FUT9: variants seen among roughly 807,000 people sequenced by gnomAD.
FUT9 encodes fucosyltransferase 9, also known as 4-galactosyl-N-acetylglucosaminide 3-alpha-L-fucosyltransferase 9.
A neutral mutation model predicts 29.7 loss-of-function variants in FUT9; 15 were observed. The observed-to-expected ratio is 0.51, with a 90% confidence interval of 0.34 to 0.78. The LOEUF is 0.78. Ranked by LOEUF, FUT9 falls within the 30% of genes least tolerant of loss-of-function variation. FUT9 has a pLI of 0.01. For synonymous variants in FUT9, 169 were observed against 153.7 expected (o/e 1.10, Z -0.74); for missense variants, 319 against 425.4 (o/e 0.75, Z 2.20).
intron 2 of FUT9, among the ~76,000 whole-genome samples, chr6:96,117,013 G>A (rs536894543): frequency 6.6e-6 from 1 of 152,166 alleles, no homozygotes; most frequent in African/African-American, 2.4e-5. Context: ...ACAGTGACAA[G>A]TGAACCTAAC....
intron 2 of FUT9, among the ~76,000 whole-genome samples, chr6:96,164,911 T>A (rs1357386100): frequency 2.6e-5 from 4 of 152,230 alleles, no homozygotes; most frequent in African/African-American, 9.6e-5. Context: ...CATGTATGGC[T>A]AGTGGTTTCT....
chr6:96,146,083 C>A (rs1772562041), intron 2 of FUT9, among the ~76,000 whole-genome samples: 1 of 152,036 alleles, frequency 6.6e-6, no homozygotes, highest in Non-Finnish European at 1.5e-5. Flanking sequence ...CTCCAGGGAC[C>A]CCACCTAAAC....
rs116951396 is a variant in FUT9, at chr6:96,107,617, A to T, written c.-97-6422A>T. 6.1e-3 allele frequency among the ~76,000 whole-genome samples: 925 copies of T among 152,320 alleles called. 1 individual carries two copies. Among genetic ancestry groups the T allele is most frequent in the Non-Finnish European group, 0.011 (766 of 68,042 alleles). On this transcript the variant is annotated intron_variant, in intron 1 of 2. Transcript: ENST00000302103. ...AAAGTATATGTATAAATTTGGACAAATCTATGTCAAACATCTATTATAACC... is the reference window on the plus strand; with the variant it reads ...AAAGTATATGTATAAATTTGGACAATTCTATGTCAAACATCTATTATAACC...
chr6:96,188,054 C>T (rs1322645859), intron 2 of FUT9, among the ~76,000 whole-genome samples: 3 of 152,116 alleles, frequency 2.0e-5, no homozygotes, highest in Admixed American at 6.6e-5. Context: ...CACCTTTCTA[C>T]ACTCTCCTGA....
chr6:96,161,774 G>A (rs888260662), intron 2 of FUT9, among the ~76,000 whole-genome samples: 4 of 152,156 alleles, frequency 2.6e-5, no homozygotes, highest in Non-Finnish European at 5.9e-5. Flanking sequence ...TTATTAATAT[G>A]TGAATGCCAG....
In FUT9 at chr6:96,038,665, A is replaced by AATCT. The variant is rs1454163579; in HGVS notation, c.-98+22456_-98+22459dup. 2.0e-5 allele frequency among the ~76,000 whole-genome samples: 3 copies of AATCT among 152,312 alleles called. No individual in the cohort carries two copies. In the East Asian group the frequency reaches 5.8e-4, roughly 29 times the overall value. On this transcript the variant is annotated intron_variant, in intron 1 of 2. Transcript: ENST00000302103. ...TTAAAATGCAAATCTGACTAGGTCCAATCTATTCTTCAACATCCATCAATG... is the reference window on the plus strand; with the variant it reads ...TTAAAATGCAAATCTGACTAGGTCCAATCTATCTATTCTTCAACATCCATCAATG...
At chr6:96,119,356 T>A (rs1483917037) in intron 2 of FUT9, among the ~76,000 whole-genome samples, 1 of 152,194 alleles carries the variant, frequency 6.6e-6, no homozygotes, top group Non-Finnish European at 1.5e-5. Context: ...AGTAACATGC[T>A]ATAAGTTTGT....
At chr6:96,186,806 C>T (rs924542518) in intron 2 of FUT9, among the ~76,000 whole-genome samples, 2 of 152,080 alleles carry the variant, frequency 1.3e-5, no homozygotes, top group African/African-American at 4.8e-5. Context: ...GTCAGGCAGA[C>T]AGCAAGTTCA....
chr6:96,090,281 A>T (rs1372492590), intron 1 of FUT9, among the ~76,000 whole-genome samples: 1 of 151,242 alleles, frequency 6.6e-6, no homozygotes, highest in Non-Finnish European at 1.5e-5. Flanking sequence ...TTTGGAAATA[A>T]ATTTGTAAAG....
intron 2 of FUT9, among the ~76,000 whole-genome samples, chr6:96,165,036 G>T (rs565529940): frequency 9.8e-5 from 15 of 152,308 alleles, no homozygotes; most frequent in African/African-American, 3.6e-4. Flanking sequence ...AGAATCACAA[G>T]ACAAAATGGG....
At chr6:96,121,692 A>G (rs1012108427) in intron 2 of FUT9, among the ~76,000 whole-genome samples, 1 of 152,098 alleles carries the variant, frequency 6.6e-6, no homozygotes, top group African/African-American at 2.4e-5. Context: ...TTTACTTTGT[A>G]TGTTCCACCA....
chr6:96,140,347 G>A (rs548747376), intron 2 of FUT9, among the ~76,000 whole-genome samples: 25 of 152,226 alleles, frequency 1.6e-4, no homozygotes, highest in East Asian at 5.8e-4. Context: ...AAGTCTATAG[G>A]ACGTTACAAA....
At chr6:96,108,472 T>C (rs1771734825) in intron 1 of FUT9, among the ~76,000 whole-genome samples, 1 of 152,140 alleles carries the variant, frequency 6.6e-6, no homozygotes, top group South Asian at 2.1e-4. Context: ...AATGAGAACA[T>C]ATATGTATAG....
At chr6:96,094,562 C>T (rs138216472) in intron 1 of FUT9, among the ~76,000 whole-genome samples, 2 of 152,190 alleles carry the variant, frequency 1.3e-5, no homozygotes, top group East Asian at 3.9e-4. Context: ...TCATGCAGAG[C>T]ATATATTGGG....
At chr6:96,064,586 A>G (rs1180425062) in intron 1 of FUT9, among the ~76,000 whole-genome samples, 2 of 151,214 alleles carry the variant, frequency 1.3e-5, no homozygotes, top group African/African-American at 4.9e-5. Context: ...CAGCACACAC[A>G]CACTGATCTA....
At chr6:96,170,464 A>C (rs1773091070) in intron 2 of FUT9, among the ~76,000 whole-genome samples, 1 of 152,138 alleles carries the variant, frequency 6.6e-6, no homozygotes, top group Non-Finnish European at 1.5e-5. Flanking sequence ...ACAATATATC[A>C]AAATCAAACT....
chr6:96,115,182 A>G (rs1771887030), intron 2 of FUT9, among the ~76,000 whole-genome samples: 1 of 152,214 alleles, frequency 6.6e-6, no homozygotes, highest in Admixed American at 6.5e-5. Context: ...TGAACTGCAT[A>G]TGTTATTTAA....
chr6:96,080,239 G>A (rs1771212514), intron 1 of FUT9, among the ~76,000 whole-genome samples: 1 of 151,598 alleles, frequency 6.6e-6, no homozygotes, highest in South Asian at 2.1e-4. Flanking sequence ...AAGCCAGAAA[G>A]AATGACATAA....
At chr6:96,135,896 C>G (rs1335785101) in intron 2 of FUT9, among the ~76,000 whole-genome samples, 1 of 150,570 alleles carries the variant, frequency 6.6e-6, no homozygotes, top group Non-Finnish European at 1.5e-5. Flanking sequence ...TTTCCAAGAC[C>G]AACACTGTCA....
Sources: allele counts gnomAD v4.1 joint callset (sites outside exome capture counted in the v4.1 genomes callset), GRCh38; gene constraint gnomAD v4.1.1; transcripts MANE v1.5; gene names NCBI Gene and HGNC (gene_info 2026-07-23, HGNC 2026-07-21).